FSTL5: variants seen among roughly 807,000 people sequenced by gnomAD.
FSTL5 encodes the protein follistatin-related protein 5.
Under a neutral mutation model 89.1 loss-of-function variants are expected in FSTL5, and 62 were observed. The observed-to-expected ratio is 0.70, with a 90% confidence interval of 0.57 to 0.86. The LOEUF (loss-of-function observed/expected upper bound fraction) is 0.86. Among genes scored for constraint, FSTL5 ranks in the 40% least tolerant of loss-of-function variants. FSTL5 has a pLI of 0.00. For missense variants in FSTL5, 1,057 were observed against 1,001.6 expected (o/e 1.06, Z -0.75); for synonymous variants, 383 against 346.2 (o/e 1.11, Z -1.18).
intron 6 of FSTL5, among the ~76,000 whole-genome samples, chr4:161,726,221 CTTTTTCTTTT>C (rs1353536428): frequency 4.3e-5 from 3 of 69,234 alleles, no homozygotes; most frequent in Non-Finnish European, 9.7e-5. Context: ...TTTCTTTTTT[CTTTTTCTTTT>C]TTTTTTTTTT....
At chr4:162,062,240 T>C (rs1053670602) in intron 2 of FSTL5, among the ~76,000 whole-genome samples, 7 of 152,002 alleles carry the variant, frequency 4.6e-5, no homozygotes, top group Admixed American at 1.3e-4. Flanking sequence ...ATTATGAGTT[T>C]ACTCTTTTTC....
intron 6 of FSTL5, among the ~76,000 whole-genome samples, chr4:161,688,051 T>G (rs1162193578): frequency 1.3e-5 from 2 of 152,172 alleles, no homozygotes; most frequent in African/African-American, 4.8e-5. Context: ...TTTCTGTTCT[T>G]TATAAATCAC....
chr4:162,110,122 A>G (rs1466760878), intron 2 of FSTL5, among the ~76,000 whole-genome samples: 1 of 152,014 alleles, frequency 6.6e-6, no homozygotes, highest in African/African-American at 2.4e-5. Context: ...TTTTGACATT[A>G]AAGTATATTT....
chr4:161,630,053 A>C (rs1324569735), intron 7 of FSTL5, among the ~76,000 whole-genome samples: 1 of 152,080 alleles, frequency 6.6e-6, no homozygotes, highest in East Asian at 1.9e-4. Flanking sequence ...AATCAGGGAG[A>C]ACTAGGAGAC....
At chr4:162,085,628 AT>A (rs1730287579) in intron 2 of FSTL5, among the ~76,000 whole-genome samples, 2 of 152,144 alleles carry the variant, frequency 1.3e-5, no homozygotes, top group Non-Finnish European at 2.9e-5. Context: ...CAGGTGTTAC[AT>A]CACCAGTTTC....
Position 161,900,405 on chromosome 4 carries a change from G to GC in FSTL5, c.409+19998_409+19999insG, listed in dbSNP as rs577976255. On this transcript the variant is annotated intron_variant, in intron 4 of 15. Coordinates refer to ENST00000306100, the MANE Select transcript of FSTL5 (RefSeq NM_020116.5). Reference sequence around the variant, plus strand: ...ATAAGAATGGCAGACATGGGAGGCAGGGGTGGGTGGATCACCTGAGATCAA... The same window carrying GC: ...ATAAGAATGGCAGACATGGGAGGCAGCGGGTGGGTGGATCACCTGAGATCAA... 3.3e-5 allele frequency among the ~76,000 whole-genome samples: 5 copies of GC among 151,722 alleles called. No homozygotes were observed. The South Asian group carries it at 1.0e-3, about 32-fold the overall frequency.
intron 2 of FSTL5, among the ~76,000 whole-genome samples, chr4:162,074,650 AT>A (rs1729763936): frequency 6.6e-6 from 1 of 151,790 alleles, no homozygotes. Context: ...CAATTTACAA[AT>A]AAAAATCATA....
chr4:161,721,004 C>T (rs1352653064), intron 6 of FSTL5, among the ~76,000 whole-genome samples: 2 of 152,082 alleles, frequency 1.3e-5, no homozygotes, highest in Admixed American at 6.6e-5. Context: ...TCTGGCCGGG[C>T]GCGGTGGCTC....
intron 4 of FSTL5, among the ~76,000 whole-genome samples, chr4:161,904,186 G>GA (rs1247977339): frequency 6.6e-6 from 1 of 151,762 alleles, no homozygotes; most frequent in Non-Finnish European, 1.5e-5. Context: ...AAAAAAAAGA[G>GA]AAAAAAATCA....
intron 1 of FSTL5, among the ~76,000 whole-genome samples, chr4:162,143,819 CATACAA>C (rs751108466): frequency 0.07 from 7,138 of 101,422 alleles, 344 homozygotes; most frequent in African/African-American, 0.14. Flanking sequence ...CACACACACA[CATACAA>C]ACACACACGG....
chr4:162,082,745 C>T (rs1380903582), intron 2 of FSTL5, among the ~76,000 whole-genome samples: 2 of 151,462 alleles, frequency 1.3e-5, no homozygotes, highest in Non-Finnish European at 3.0e-5. Flanking sequence ...TAAACATATA[C>T]ATCTTCTGAT....
intron 7 of FSTL5, among the ~76,000 whole-genome samples, chr4:161,648,370 AGG>A (rs1413044209): frequency 6.6e-6 from 1 of 152,120 alleles, no homozygotes; most frequent in Non-Finnish European, 1.5e-5. Flanking sequence ...GCTCCTGTAG[AGG>A]TTTGAGCAGC....
At chr4:161,930,825 G>T (rs950785026) in intron 3 of FSTL5, among the ~76,000 whole-genome samples, 2 of 151,828 alleles carry the variant, frequency 1.3e-5, no homozygotes, top group African/African-American at 2.4e-5. Context: ...CCCTAGCTTA[G>T]GTGTTTGGAA....
intron 10 of FSTL5, among the ~76,000 whole-genome samples, chr4:161,511,876 G>C (rs1452163256): frequency 6.6e-6 from 1 of 152,080 alleles, no homozygotes; most frequent in Admixed American, 6.6e-5. Flanking sequence ...GCTTCATTGA[G>C]ATGGTGCTGA....
chr4:161,882,407 G>T (rs998895236), intron 4 of FSTL5, among the ~76,000 whole-genome samples: 9 of 152,026 alleles, frequency 5.9e-5, no homozygotes, highest in African/African-American at 2.2e-4. Flanking sequence ...TTCATCTGTT[G>T]TACCAAAGCA....
chr4:161,967,497 A>G (rs1185015797), intron 3 of FSTL5, among the ~76,000 whole-genome samples: 1 of 152,026 alleles, frequency 6.6e-6, no homozygotes, highest in Non-Finnish European at 1.5e-5. Context: ...ATGAAGAGGA[A>G]AGTTTAAAAA....
intron 2 of FSTL5, among the ~76,000 whole-genome samples, chr4:162,044,325 T>C (rs931184285): frequency 1.3e-5 from 2 of 152,248 alleles, no homozygotes; most frequent in African/African-American, 4.8e-5. Flanking sequence ...AGGTACATTG[T>C]GAAAGAGGAG....
intron 7 of FSTL5, among the ~76,000 whole-genome samples, chr4:161,605,267 T>C (rs1390519906): frequency 6.6e-6 from 1 of 152,204 alleles, no homozygotes; most frequent in Non-Finnish European, 1.5e-5. Context: ...AATAAAAACT[T>C]GTGAAGTAAA....
At chr4:161,508,145 A>G (rs898464852) in intron 11 of FSTL5, among the ~76,000 whole-genome samples, 3 of 152,064 alleles carry the variant, frequency 2.0e-5, no homozygotes, top group African/African-American at 2.4e-5. Flanking sequence ...CTTATACCCA[A>G]TGATGGGGTT....
Sources: gnomAD v4.1 joint callset for allele counts (sites outside exome capture counted in the v4.1 genomes callset) on GRCh38, gnomAD v4.1.1 for gene constraint, MANE v1.5 for transcripts, NCBI Gene and HGNC (gene_info 2026-07-23, HGNC 2026-07-21) for gene names.